The following SIPA1L3 variants were observed in gnomAD, a reference collection of about 807,000 sequenced individuals.
SIPA1L3 encodes the protein signal induced proliferation associated 1 like 3.
Under a neutral mutation model 150.1 loss-of-function variants are expected in SIPA1L3, and 59 were observed. That is an observed-to-expected ratio of 0.39 (90% CI 0.32 to 0.49). The LOEUF (loss-of-function observed/expected upper bound fraction) is 0.49, where lower values mean the gene tolerates loss of function less well. Ranked by LOEUF, SIPA1L3 falls within the 20% of genes least tolerant of loss-of-function variation. The pLI is 0.86. For synonymous variants in SIPA1L3, 1,070 were observed against 1,077.6 expected (o/e 0.99, Z 0.14); for missense variants, 2,211 against 2,489.5 (o/e 0.89, Z 2.38).
rs371388254 is a variant in SIPA1L3 at position 38,082,312 on chromosome 19, C to T, written c.747C>T (p.His249=). Residue 249 remains histidine (H), a synonymous_variant, in exon 3 of 22, where the codon CAC becomes CAT. Transcript: ENST00000222345. The part of the protein sequence containing the change: ...TELLRADPGP[H]LMGGGGGAKG... Reference sequence around the variant, plus strand: ...TCCTCCGGGCAGATCCTGGCCCACACCTCATGGGGGGCGGCGGCGGAGCCA... The same window carrying T: ...TCCTCCGGGCAGATCCTGGCCCACATCTCATGGGGGGCGGCGGCGGAGCCA... The T allele has an allele frequency of 1.4e-5, 22 of 1,599,218 alleles. No homozygotes were observed. The African/African-American group carries it at 1.7e-4, about 13-fold the overall frequency.
At chr19:38,097,432 T>C (rs1970404449) in intron 4 of SIPA1L3, among the ~76,000 whole-genome samples, 2 of 152,198 alleles carry the variant, frequency 1.3e-5, no homozygotes, top group South Asian at 2.1e-4. Flanking sequence ...AAAGTCAGGA[T>C]AGAGTTAATT....
At position 38,152,607 on chromosome 19, in the gene SIPA1L3, G is replaced by T. The variant is rs1442817965; in HGVS notation, c.3534-233G>T. On this transcript the variant is annotated intron_variant, in intron 12 of 21. Coordinates refer to ENST00000222345, the MANE Select transcript of SIPA1L3 (RefSeq NM_015073.3). Reference sequence around the variant, plus strand: ...TTCCCTTAGGAACCCGCCTTGCCCCGCCGCCACCAGCTCCCTGGCAGGCTT... The same window carrying T: ...TTCCCTTAGGAACCCGCCTTGCCCCTCCGCCACCAGCTCCCTGGCAGGCTT... Among the ~76,000 whole-genome samples, 1 of 152,074 alleles carries T rather than the reference G, an allele frequency of 6.6e-6. No homozygotes were observed. The highest frequency in any genetic ancestry group is 6.6e-5 in the Admixed American group (1 of 15,262).
chr19:38,133,456 T>A (rs939687060), intron 10 of SIPA1L3, among the ~76,000 whole-genome samples: 1 of 152,160 alleles, frequency 6.6e-6, no homozygotes, highest in Non-Finnish European at 1.5e-5. Context: ...TAAATACAGT[T>A]TTCAGAATAA....
At chr19:38,149,773 G>A (rs1202099848) in intron 12 of SIPA1L3, among the ~76,000 whole-genome samples, 1 of 152,204 alleles carries the variant, frequency 6.6e-6, no homozygotes, top group East Asian at 1.9e-4. Context: ...ATTGGCCAGA[G>A]CTGCAAGGGA....
At position 37,953,364 on chromosome 19, in the gene SIPA1L3, G is replaced by A. The variant is rs181167374; in HGVS notation, c.-379+46006G>A. On this transcript the variant is annotated intron_variant, in intron 1 of 21. Coordinates refer to ENST00000222345, the MANE Select transcript of SIPA1L3 (RefSeq NM_015073.3). Reference sequence around the variant, plus strand: ...ATCTGTGCACTTTATTAGGATAATGGTTGACCCAGTGTGTACCTCCCCAGG... The same window carrying A: ...ATCTGTGCACTTTATTAGGATAATGATTGACCCAGTGTGTACCTCCCCAGG... Among the ~76,000 whole-genome samples, 3 of 152,328 alleles carry A rather than the reference G, an allele frequency of 2.0e-5. No homozygotes were observed. The East Asian group carries it at 5.8e-4, about 29-fold the overall frequency.
intron 1 of SIPA1L3, among the ~76,000 whole-genome samples, chr19:37,948,955 A>G (rs957297170): frequency 6.6e-6 from 1 of 152,206 alleles, no homozygotes; most frequent in African/African-American, 2.4e-5. Context: ...CACAGATGCC[A>G]CTGTGGCAGG....
chr19:37,954,506 A>C (rs924033772), intron 1 of SIPA1L3, among the ~76,000 whole-genome samples: 1 of 152,202 alleles, frequency 6.6e-6, no homozygotes, highest in Admixed American at 6.5e-5. Context: ...GGAAGGAGAC[A>C]GGCTGGTTTG....
intron 1 of SIPA1L3, among the ~76,000 whole-genome samples, chr19:37,986,254 G>A (rs972007409): frequency 6.6e-6 from 1 of 152,218 alleles, no homozygotes; most frequent in Non-Finnish European, 1.5e-5. Flanking sequence ...CCTCACCTTA[G>A]CTTTCCCATC....
In SIPA1L3 at chr19:38,100,120, G is replaced by A. The variant is rs144256143; in HGVS notation, c.1824G>A (p.Thr608=). The part of the protein sequence containing the change: ...LRLALNTPKV[T]EQLLKLDEQG... The stretch of plus-strand genomic sequence containing the variant: ...TGGCCCTCAACACCCCCAAGGTGAC[G>A]GAGCAACTGCTGAAGCTCGATGAGC... Residue 608 remains threonine (T), a synonymous_variant, in exon 5 of 22, where the codon ACG becomes ACA. Transcript: ENST00000222345. 115 of 1,596,008 alleles carry A rather than the reference G, an allele frequency of 7.2e-5. No individual in the cohort carries two copies. In the East Asian group the frequency reaches 1.7e-3, roughly 23 times the overall value.
intron 1 of SIPA1L3, among the ~76,000 whole-genome samples, chr19:37,916,356 C>T (rs1227497882): frequency 6.6e-6 from 1 of 151,790 alleles, no homozygotes; most frequent in East Asian, 1.9e-4. Flanking sequence ...TTAAATTAGC[C>T]AGGCTTGGTG....
chr19:38,095,880 C>T (rs1472751344), intron 4 of SIPA1L3, among the ~76,000 whole-genome samples: 2 of 152,190 alleles, frequency 1.3e-5, no homozygotes, highest in Non-Finnish European at 2.9e-5. Context: ...TGCTGTCCCT[C>T]GTTCCCAGCA....
intron 1 of SIPA1L3, among the ~76,000 whole-genome samples, chr19:37,994,357 G>C (rs772203676): frequency 7.2e-5 from 11 of 152,338 alleles, no homozygotes; most frequent in Non-Finnish European, 1.2e-4. Flanking sequence ...TGGTACAAGT[G>C]GCGCCAGTGT....
At chr19:38,084,788 C>T (rs920192234) in intron 3 of SIPA1L3, among the ~76,000 whole-genome samples, 3 of 151,614 alleles carry the variant, frequency 2.0e-5, no homozygotes, top group East Asian at 3.9e-4. Context: ...TACAGGCGCT[C>T]GCTATCATGC....
intron 1 of SIPA1L3, among the ~76,000 whole-genome samples, chr19:37,990,748 A>T (rs1967483213): frequency 6.6e-6 from 1 of 152,166 alleles, no homozygotes; most frequent in African/African-American, 2.4e-5. Context: ...TGTCCACTCA[A>T]GGGGCATGTG....
Position 38,138,899 on chromosome 19 carries a change from A to AAAAAAAAAAAAC in SIPA1L3, c.3144-2274_3144-2273insCAAAAAAAAAAA, listed in dbSNP as rs1291956428. Among the ~76,000 whole-genome samples the AAAAAAAAAAAAC allele has an allele frequency of 1.4e-5, 2 of 141,874 alleles. 1 individual carries two copies. The highest frequency in any genetic ancestry group is 3.0e-5 in the Non-Finnish European group (2 of 65,788). The allele number at this position is 141,874 out of a possible 152,430, so 93.1% of individuals were successfully genotyped here. ...GGTGACAGAACGAGACTCTATCTCAAAAAAAAAAAAAAAAAACTGAGTGTG... is the reference window on the plus strand; with the variant it reads ...GGTGACAGAACGAGACTCTATCTCAAAAAAAAAAAAACAAAAAAAAAAAAAAAACTGAGTGTG... On this transcript the variant is annotated intron_variant, in intron 10 of 21. Coordinates refer to ENST00000222345, the MANE Select transcript of SIPA1L3 (RefSeq NM_015073.3).
chr19:38,120,296 TA>T (rs1057338914), intron 9 of SIPA1L3, among the ~76,000 whole-genome samples: 1 of 93,800 alleles, frequency 1.1e-5, no homozygotes, highest in African/African-American at 4.5e-5. Flanking sequence ...AGACTCTGCC[TA>T]CAAAAAAAAA....
rs3745946 is a variant in SIPA1L3 at position 38,206,414 on chromosome 19, G to A, written c.*174G>A. The A allele has an allele frequency of 0.57, 416,020 of 728,748 alleles. 123,335 individuals carry two copies. The highest frequency in any genetic ancestry group is 0.69 in the East Asian group (22,800 of 33,092). 45.1% of individuals were successfully genotyped at this position (728,748 alleles called of 1,614,324 possible). ...TAGGGCTGTGAGTCAGGGTCAGCGCGCACAGCCCTCATGCCCCAGAGGGCG... is the reference window on the plus strand; with the variant it reads ...TAGGGCTGTGAGTCAGGGTCAGCGCACACAGCCCTCATGCCCCAGAGGGCG... On this transcript the variant is annotated 3_prime_UTR_variant, in exon 22 of 22. Transcript: ENST00000222345.
chr19:37,942,310 G>A (rs1379659962), intron 1 of SIPA1L3, among the ~76,000 whole-genome samples: 5 of 151,782 alleles, frequency 3.3e-5, no homozygotes, highest in African/African-American at 4.8e-5. Context: ...AGAGAGACAC[G>A]CCTGGAAGTA....
rs902218818 is a variant in SIPA1L3 at position 38,084,635 on chromosome 19, CTTTTTT to C, written c.1534+1550_1534+1555del. On this transcript the variant is annotated intron_variant, in intron 3 of 21. Coordinates refer to ENST00000222345, the MANE Select transcript of SIPA1L3 (RefSeq NM_015073.3). ...TTTTTTTTGTTGTTTTTTTCTTTTT[CTTTTTT>C]TTTTTTTTTTTTTGAGGCAGTCTCG... 5.7e-5 allele frequency among the ~76,000 whole-genome samples: 6 copies of C among 104,496 alleles called. No homozygotes were observed. In the South Asian group the frequency reaches 9.7e-4, roughly 17 times the overall value. The allele number at this position is 104,496 out of a possible 152,430, so 68.6% of individuals were successfully genotyped here.
Sources: gnomAD v4.1 joint callset for allele counts (sites outside exome capture counted in the v4.1 genomes callset) on GRCh38, gnomAD v4.1.1 for gene constraint, MANE v1.5 for transcripts, NCBI Gene and HGNC (gene_info 2026-07-23, HGNC 2026-07-21) for gene names.